Variants in TENM3 observed in about 807,000 individuals in gnomAD.
The protein encoded by TENM3 is teneurin-3.
Under a neutral mutation model 255.1 loss-of-function variants are expected in TENM3, and 63 were observed. The observed-to-expected ratio is 0.25, with a 90% CI of 0.20 to 0.30. The LOEUF (loss-of-function observed/expected upper bound fraction) is 0.30. TENM3 is among the 10% of genes least tolerant of loss of function. The pLI, the probability that TENM3 is intolerant of heterozygous loss-of-function variation, is 1.00. For synonymous variants in TENM3, 1,306 were observed against 1,322.3 expected (o/e 0.99, Z 0.27); for missense variants, 2,929 against 3,461.1 (o/e 0.85, Z 3.86).
At chr4:182,791,089 C>T in intron 25 of TENM3, among the ~76,000 whole-genome samples, 1 of 152,198 alleles carries the variant, frequency 6.6e-6, no homozygotes, top group East Asian at 1.9e-4. Flanking sequence ...TCAAATATGA[C>T]TTCAGATGAT....
intron 22 of TENM3, among the ~76,000 whole-genome samples, chr4:182,770,710 T>A (rs1764131565): frequency 1.3e-5 from 2 of 152,196 alleles, no homozygotes; most frequent in African/African-American, 2.4e-5. Flanking sequence ...AGGACACTCA[T>A]TTGTAATAGT....
chr4:182,387,645 T>A (rs935132370), intron 3 of TENM3, among the ~76,000 whole-genome samples: 2 of 150,330 alleles, frequency 1.3e-5, no homozygotes, highest in Non-Finnish European at 3.0e-5. Context: ...GCCCAGGGAG[T>A]CCACGAGCCC....
chr4:181,474,090 T>C, the TENM3 span, among the ~76,000 whole-genome samples: 1 of 151,978 alleles, frequency 6.6e-6, no homozygotes, highest in East Asian at 1.9e-4. Context: ...ATGTTTTCAC[T>C]CATAAGTGGG....
chr4:182,617,693 A>T (rs1749667009), intron 4 of TENM3, among the ~76,000 whole-genome samples: 1 of 152,212 alleles, frequency 6.6e-6, no homozygotes, highest in Non-Finnish European at 1.5e-5. Context: ...AAATCAAAAC[A>T]TCTAATTTGA....
At chr4:182,202,126 T>G (rs1024439740) in intron 1 of TENM3, among the ~76,000 whole-genome samples, 5 of 152,052 alleles carry the variant, frequency 3.3e-5, no homozygotes, top group African/African-American at 9.7e-5. Flanking sequence ...AAAAGCAAAA[T>G]CAGACCAGGA....
intron 3 of TENM3, among the ~76,000 whole-genome samples, chr4:182,461,982 C>T (rs1348618608): frequency 6.6e-6 from 1 of 152,022 alleles, no homozygotes; most frequent in Non-Finnish European, 1.5e-5. Context: ...CTCTTGTCAA[C>T]TCTTACCCTA....
the TENM3 span, among the ~76,000 whole-genome samples, chr4:181,459,553 T>C: frequency 6.6e-6 from 1 of 151,924 alleles, no homozygotes; most frequent in South Asian, 2.1e-4. Context: ...CATTTTTTTA[T>C]ATATGGATAT....
At chr4:182,239,911 T>A (rs1295708595), upstream of TENM3, among the ~76,000 whole-genome samples, 1 of 152,216 alleles carries the variant, frequency 6.6e-6, no homozygotes, top group Non-Finnish European at 1.5e-5. Flanking sequence ...TGCTAGATCA[T>A]TTGACACTTT....
the TENM3 span, among the ~76,000 whole-genome samples, chr4:181,960,342 AT>A: frequency 2.0e-5 from 3 of 152,202 alleles, no homozygotes. Context: ...ATTTTTCAAG[AT>A]AATTTTAGTG....
At chr4:182,135,204 C>CAAAAA in the TENM3 span, among the ~76,000 whole-genome samples, 5 of 81,564 alleles carry the variant, frequency 6.1e-5, no homozygotes, top group Non-Finnish European at 6.3e-5. Context: ...GACTCGGTCT[C>CAAAAA]AAAAAAAAAA....
chr4:181,695,132 G>T, the TENM3 span, among the ~76,000 whole-genome samples: 1 of 152,106 alleles, frequency 6.6e-6, no homozygotes, highest in Admixed American at 6.6e-5. Flanking sequence ...TCCTAAAAAT[G>T]CTATTAATAT....
At chr4:182,085,696 G>A in the TENM3 span, among the ~76,000 whole-genome samples, 1 of 151,996 alleles carries the variant, frequency 6.6e-6, no homozygotes, top group African/African-American at 2.4e-5. Context: ...ACTAGCATGA[G>A]CAATATGAAA....
At chr4:182,669,635 C>T (rs549600579) in intron 6 of TENM3, among the ~76,000 whole-genome samples, 3 of 152,012 alleles carry the variant, frequency 2.0e-5, no homozygotes, top group African/African-American at 4.8e-5. Context: ...ACTTTATGTC[C>T]TGACATTGTA....
the TENM3 span, among the ~76,000 whole-genome samples, chr4:181,625,642 C>T: frequency 1.3e-5 from 2 of 151,956 alleles, no homozygotes; most frequent in African/African-American, 4.8e-5. Flanking sequence ...GAAACCCCGT[C>T]TCTACTAGAA....
the TENM3 span, among the ~76,000 whole-genome samples, chr4:181,709,188 T>C: frequency 6.6e-6 from 1 of 152,216 alleles, no homozygotes; most frequent in African/African-American, 2.4e-5. Flanking sequence ...GTTTCCTAGA[T>C]TCCTTATTCA....
Position 182,792,216 on chromosome 4 carries a change from T to C in TENM3, c.5602-58T>C. Reference sequence around the variant, plus strand: ...TTTCTGTGCATCTGTGGTCACTAAATCTGCTTTTGCATCTCCCGTTCACAA... The same window carrying C: ...TTTCTGTGCATCTGTGGTCACTAAACCTGCTTTTGCATCTCCCGTTCACAA... On this transcript the variant is annotated intron_variant, in intron 25 of 27. Coordinates refer to ENST00000511685, the MANE Select transcript of TENM3 (RefSeq NM_001080477.4). The surrounding 1 kb of genome is among the most constrained non-coding windows in gnomAD (Gnocchi z 6.3). 1 of 1,498,830 alleles carries C rather than the reference T, an allele frequency of 6.7e-7. No individual in the cohort carries two copies. The highest frequency in any genetic ancestry group is 9.1e-7 in the Non-Finnish European group (1 of 1,097,428). The allele number at this position is 1,498,830 out of a possible 1,614,324, so 92.8% of individuals were successfully genotyped here. A position where few individuals can be genotyped will look rare whatever the true frequency, so the allele number is the denominator to read the frequency against.
rs151281277 is a variant in TENM3, at chr4:182,397,621, G to A, written c.511+50692G>A. 3.7e-4 allele frequency among the ~76,000 whole-genome samples: 56 copies of A among 152,086 alleles called. 1 individual carries two copies. The East Asian group carries it at 6.8e-3, about 18-fold the overall frequency. On this transcript the variant is annotated intron_variant, in intron 3 of 27. Transcript: ENST00000511685. ...GAGAAAGGTTAGAATCACACTTACC[G>A]GGGCTACTACCGTAACAAGCAATGG...
chr4:182,745,093 T>C (rs570535412), intron 19 of TENM3, among the ~76,000 whole-genome samples: 33 of 152,308 alleles, frequency 2.2e-4, no homozygotes, highest in African/African-American at 7.2e-4. Context: ...GTGAGGTCTT[T>C]TAGATGAATA....
chr4:182,549,292 C>T (rs746989447), intron 3 of TENM3, among the ~76,000 whole-genome samples: 3 of 152,192 alleles, frequency 2.0e-5, no homozygotes, highest in East Asian at 1.9e-4. Context: ...GGAAAATTCA[C>T]GATTTGGAAA....
Sources: gnomAD v4.1 joint callset for allele counts (sites outside exome capture counted in the v4.1 genomes callset) on GRCh38, gnomAD v4.1.1 for gene constraint, Gnocchi (gnomAD v3.1) non-coding constraint, MANE v1.5 for transcripts, NCBI Gene and HGNC (gene_info 2026-07-23, HGNC 2026-07-21) for gene names.